DIAPH2: variants seen among roughly 807,000 people sequenced by gnomAD.
DIAPH2 encodes diaphanous related formin 2, also known as protein diaphanous homolog 2.
Under a neutral mutation model 92.7 loss-of-function variants are expected in DIAPH2, and 35 were observed. The observed-to-expected ratio is 0.38, with a 90% confidence interval of 0.29 to 0.50. The LOEUF is 0.50. Ranked by LOEUF, DIAPH2 falls within the 20% of genes least tolerant of loss-of-function variation. The pLI, the probability that DIAPH2 is intolerant of heterozygous loss-of-function variation, is 0.94. For missense variants in DIAPH2, 701 were observed against 819.5 expected (o/e 0.86, Z 1.77); for synonymous variants, 301 against 280.4 (o/e 1.07, Z -0.73).
At chrX:97,131,517 T>A (rs2067138317) in intron 21 of DIAPH2, among the ~76,000 whole-genome samples, 2 of 111,771 alleles carry the variant, frequency 1.8e-5, no homozygotes, top group Non-Finnish European at 3.8e-5. Context: ...TCCTATGGAC[T>A]CTTTTGGTGC....
chrX:97,159,985 G>C (rs1187718576), intron 22 of DIAPH2, among the ~76,000 whole-genome samples: 1 of 109,816 alleles, frequency 9.1e-6, no homozygotes, highest in East Asian at 2.9e-4. Flanking sequence ...TTGCAGCAGA[G>C]GAGTTTAATC....
intron 4 of DIAPH2, among the ~76,000 whole-genome samples, chrX:96,828,950 C>A (rs936321699): frequency 9.0e-6 from 1 of 111,260 alleles, no homozygotes; most frequent in Non-Finnish European, 1.9e-5. Flanking sequence ...GAAAAAAAAA[C>A]CCATATTATC....
chrX:96,751,401 C>T (rs1167046471), intron 3 of DIAPH2, among the ~76,000 whole-genome samples: 2 of 106,009 alleles, frequency 1.9e-5, no homozygotes, highest in Admixed American at 2.1e-4. Flanking sequence ...ACGGTGAAAC[C>T]CAGTCTCTAC....
chrX:97,523,330 A>G (rs2071003615), intron 26 of DIAPH2, among the ~76,000 whole-genome samples: 1 of 111,460 alleles, frequency 9.0e-6, no homozygotes, highest in African/African-American at 3.3e-5. Context: ...CCTTTTCCTA[A>G]TATATATAGA....
chrX:97,229,837 A>G (rs1353136816), intron 22 of DIAPH2, among the ~76,000 whole-genome samples: 2 of 103,722 alleles, frequency 1.9e-5, no homozygotes, highest in Non-Finnish European at 3.9e-5. Flanking sequence ...ACAATATTAC[A>G]TCTTATTATA....
At chrX:96,921,334 C>T (rs2065541669) in intron 9 of DIAPH2, among the ~76,000 whole-genome samples, 1 of 111,022 alleles carries the variant, frequency 9.0e-6, no homozygotes, top group Non-Finnish European at 1.9e-5. Flanking sequence ...TCTTCATACA[C>T]TCTCTCTTCA....
chrX:96,969,627 A>G (rs1459196277), intron 17 of DIAPH2, among the ~76,000 whole-genome samples: 1 of 110,359 alleles, frequency 9.1e-6, no homozygotes, highest in Non-Finnish European at 1.9e-5. Context: ...TGTTCCAGGA[A>G]CCTTTTGGCA....
chrX:96,795,423 T>C (rs1389044807), intron 4 of DIAPH2, among the ~76,000 whole-genome samples: 2 of 112,033 alleles, frequency 1.8e-5, no homozygotes, highest in Admixed American at 1.9e-4. Flanking sequence ...GTATAGTCTA[T>C]ATTTGGTTAA....
At chrX:97,049,285 T>A (rs2066504590) in intron 17 of DIAPH2, among the ~76,000 whole-genome samples, 2 of 110,554 alleles carry the variant, frequency 1.8e-5, no homozygotes, top group Non-Finnish European at 3.8e-5. Flanking sequence ...ATAAGAAAAA[T>A]ACCATTAATT....
chrX:96,737,220 A>C (rs949344136), intron 2 of DIAPH2, among the ~76,000 whole-genome samples: 3 of 112,105 alleles, frequency 2.7e-5, no homozygotes, highest in Non-Finnish European at 5.6e-5. Context: ...ACTATGATTT[A>C]TATAATGTCT....
chrX:96,923,229 A>C (rs1027184776), intron 9 of DIAPH2, among the ~76,000 whole-genome samples: 1 of 112,278 alleles, frequency 8.9e-6, no homozygotes, highest in Non-Finnish European at 1.9e-5. Flanking sequence ...ATATATACAA[A>C]GAAGTGGAGT....
At chrX:97,283,074 G>A (rs185129249) in intron 23 of DIAPH2, among the ~76,000 whole-genome samples, 31 of 111,847 alleles carry the variant, frequency 2.8e-4, no homozygotes, top group Non-Finnish European at 5.3e-4. Context: ...GAGGTACTGA[G>A]TATTCCTAAA....
chrX:96,927,966 AT>A (rs1569428598), intron 9 of DIAPH2, among the ~76,000 whole-genome samples: 1 of 111,383 alleles, frequency 9.0e-6, no homozygotes, highest in Non-Finnish European at 1.9e-5. Flanking sequence ...TAATTAACCT[AT>A]AGTTTTAAAG....
In DIAPH2 at chrX:96,692,834, CACA is replaced by C. The variant is rs757044944; in HGVS notation, c.132+7650_132+7652del. On this transcript the variant is annotated intron_variant, in intron 1 of 26. Coordinates refer to ENST00000324765, the MANE Select transcript of DIAPH2 (RefSeq NM_006729.5). ...TGACTCTTTGACATTCACACCCCAC[CACA>C]ACAACTAAGTTTATGTTACTGGCTC... 2.7e-4 allele frequency among the ~76,000 whole-genome samples: 30 copies of C among 112,060 alleles called. 1 individual carries two copies. Among genetic ancestry groups the C allele is most frequent in the Non-Finnish European group, 2.8e-4 (15 of 53,248 alleles).
intron 22 of DIAPH2, among the ~76,000 whole-genome samples, chrX:97,168,882 A>G (rs5921505): frequency 0.031 from 3,485 of 111,941 alleles, 53 homozygotes; most frequent in Non-Finnish European, 0.043. Context: ...GTCTTTTTAT[A>G]AAAGGCTTGC....
intron 26 of DIAPH2, among the ~76,000 whole-genome samples, chrX:97,450,524 G>A (rs1359243891): frequency 9.0e-6 from 1 of 111,364 alleles, no homozygotes; most frequent in Admixed American, 9.6e-5. Flanking sequence ...TTTGGTGTTT[G>A]GTAAGAGCAC....
At chrX:97,021,468 G>A (rs1244270352) in intron 17 of DIAPH2, among the ~76,000 whole-genome samples, 1 of 112,133 alleles carries the variant, frequency 8.9e-6, no homozygotes, top group Non-Finnish European at 1.9e-5. Context: ...AAAGTGCTGA[G>A]ATTATAGGCG....
chrX:97,488,180 A>T (rs1224249706), intron 26 of DIAPH2, among the ~76,000 whole-genome samples: 1 of 110,919 alleles, frequency 9.0e-6, no homozygotes, highest in Non-Finnish European at 1.9e-5. Context: ...TTTATTAGAG[A>T]TGGGGTTTCT....
intron 23 of DIAPH2, among the ~76,000 whole-genome samples, chrX:97,346,090 A>AT (rs1342961417): frequency 9.0e-6 from 1 of 111,492 alleles, no homozygotes; most frequent in African/African-American, 3.3e-5. Flanking sequence ...TTCCTTCAAA[A>AT]TTTTTTTAAA....
Sources: allele counts gnomAD v4.1 joint callset (sites outside exome capture counted in the v4.1 genomes callset), GRCh38; gene constraint gnomAD v4.1.1; transcripts MANE v1.5; gene names NCBI Gene and HGNC (gene_info 2026-07-23, HGNC 2026-07-21).